KALRN: variants seen among roughly 807,000 people sequenced by gnomAD.
KALRN encodes kalirin.
A neutral mutation model predicts 353.7 loss-of-function variants in KALRN; 70 were observed. The observed-to-expected ratio is 0.20, with a 90% CI of 0.16 to 0.24. The LOEUF (loss-of-function observed/expected upper bound fraction) is 0.24, where lower values mean the gene tolerates loss of function less well. Among genes scored for constraint, KALRN ranks in the 10% least tolerant of loss-of-function variants. The probability of loss-of-function intolerance (pLI) is 1.00; values close to 1 mark genes in which losing one functional copy is unlikely to be tolerated. For missense variants in KALRN, 2,791 were observed against 3,756.7 expected (o/e 0.74, Z 6.72); for synonymous variants, 1,391 against 1,434.8 (o/e 0.97, Z 0.69).
At chr3:124,357,195 C>A (rs942785501) in intron 10 of KALRN, among the ~76,000 whole-genome samples, 1 of 152,322 alleles carries the variant, frequency 6.6e-6, no homozygotes, top group African/African-American at 2.4e-5. Context: ...CTGCCTCTTT[C>A]GTGTGTTTCT....
At chr3:124,071,851 G>A (rs1159016877) in intron 1 of KALRN, among the ~76,000 whole-genome samples, 4 of 152,194 alleles carry the variant, frequency 2.6e-5, no homozygotes, top group Admixed American at 2.0e-4. Flanking sequence ...ATTAAACCCA[G>A]AGAAAGAGAG....
intron 33 of KALRN, among the ~76,000 whole-genome samples, chr3:124,503,375 G>A (rs926882387): frequency 1.3e-5 from 2 of 151,620 alleles, no homozygotes; most frequent in Non-Finnish European, 2.9e-5. Context: ...GAAACACTCT[G>A]ATTTTTCTCA....
chr3:124,659,998 C>T (rs1486283177), intron 43 of KALRN, among the ~76,000 whole-genome samples: 1 of 151,862 alleles, frequency 6.6e-6, no homozygotes, highest in Non-Finnish European at 1.5e-5. Flanking sequence ...GTGACACAGT[C>T]ATAGCTCACT....
chr3:124,038,670 T>A (rs1031808692), intron 1 of KALRN, among the ~76,000 whole-genome samples: 13 of 152,226 alleles, frequency 8.5e-5, no homozygotes. Flanking sequence ...TCTGTCCTTC[T>A]GTTGAGCATT....
intron 11 of KALRN, among the ~76,000 whole-genome samples, chr3:124,393,201 G>A (rs560140162): frequency 6.6e-6 from 1 of 152,210 alleles, no homozygotes; most frequent in East Asian, 1.9e-4. Context: ...CCTGACCTCA[G>A]GTGATCTGCC....
intron 34 of KALRN, among the ~76,000 whole-genome samples, chr3:124,571,028 C>G (rs1379828917): frequency 6.6e-6 from 1 of 152,160 alleles, no homozygotes; most frequent in Non-Finnish European, 1.5e-5. Context: ...TCATATATTG[C>G]ACTGAAATCC....
chr3:124,165,668 C>A (rs527871504), intron 1 of KALRN, among the ~76,000 whole-genome samples: 1 of 152,240 alleles, frequency 6.6e-6, no homozygotes, highest in Non-Finnish European at 1.5e-5. Flanking sequence ...TCTTTATTAG[C>A]ATAGCTCCTG....
chr3:124,276,092 G>A (rs539843556), intron 5 of KALRN, among the ~76,000 whole-genome samples: 3 of 152,312 alleles, frequency 2.0e-5, no homozygotes, highest in African/African-American at 4.8e-5. Context: ...GAGCATATTT[G>A]TCTTATTCCC....
At chr3:124,389,159 C>G (rs1483155640) in intron 11 of KALRN, among the ~76,000 whole-genome samples, 1 of 152,150 alleles carries the variant, frequency 6.6e-6, no homozygotes, top group Admixed American at 6.6e-5. Context: ...TCCTCCATTT[C>G]TTCCTTCCTA....
chr3:124,185,955 G>T (rs2074172086), intron 1 of KALRN, among the ~76,000 whole-genome samples: 1 of 152,320 alleles, frequency 6.6e-6, no homozygotes, highest in East Asian at 1.9e-4. Flanking sequence ...AAGACCTGTG[G>T]TATCTGCCCC....
intron 25 of KALRN, among the ~76,000 whole-genome samples, chr3:124,465,606 C>T (rs1030970080): frequency 6.6e-6 from 1 of 152,160 alleles, no homozygotes; most frequent in African/African-American, 2.4e-5. Flanking sequence ...CTGGACCATG[C>T]AGTTGTCCTA....
intron 1 of KALRN, among the ~76,000 whole-genome samples, chr3:124,206,158 G>T (rs2076391687): frequency 6.6e-6 from 1 of 152,164 alleles, no homozygotes; most frequent in South Asian, 2.1e-4. Context: ...CGTAATAGAA[G>T]ATTATTTCTT....
At chr3:124,436,124 A>G (rs1035605680) in intron 17 of KALRN, among the ~76,000 whole-genome samples, 5 of 152,230 alleles carry the variant, frequency 3.3e-5, no homozygotes, top group African/African-American at 1.2e-4. Context: ...TTTTCAGCAA[A>G]GGATGCTGGA....
chr3:124,483,745 C>T (rs2062240301), intron 28 of KALRN, among the ~76,000 whole-genome samples: 1 of 152,080 alleles, frequency 6.6e-6, no homozygotes, highest in African/African-American at 2.4e-5. Flanking sequence ...TGTAGGTTCT[C>T]GCATGTTAGG....
chr3:124,705,877 TTCTC>T (rs139555597), intron 57 of KALRN, among the ~76,000 whole-genome samples: 1,773 of 145,140 alleles, frequency 0.012, 37 homozygotes, highest in African/African-American at 0.043. Context: ...TCCTCCCTCT[TTCTC>T]TCTCTCTCTT....
intron 33 of KALRN, among the ~76,000 whole-genome samples, chr3:124,545,981 G>A (rs957667168): frequency 7.2e-5 from 11 of 152,128 alleles, no homozygotes; most frequent in African/African-American, 2.2e-4. Flanking sequence ...TCCGTAAGTC[G>A]TCTCCCTTTT....
intron 1 of KALRN, among the ~76,000 whole-genome samples, chr3:124,134,455 A>G (rs377278146): frequency 6.6e-6 from 1 of 152,336 alleles, no homozygotes; most frequent in Non-Finnish European, 1.5e-5. Context: ...CCTTCTAGAC[A>G]TTGGCTTAGG....
At chr3:124,349,179 A>G (rs866411482) in intron 10 of KALRN, among the ~76,000 whole-genome samples, 7 of 152,228 alleles carry the variant, frequency 4.6e-5, no homozygotes, top group Admixed American at 2.6e-4. Flanking sequence ...ACGCTACAAC[A>G]TGGAGGAACC....
At chr3:124,262,629 T>G (rs2073033321) in intron 3 of KALRN, among the ~76,000 whole-genome samples, 1 of 152,346 alleles carries the variant, frequency 6.6e-6, no homozygotes, top group South Asian at 2.1e-4. Flanking sequence ...GACTTTTCTA[T>G]GTACCAGGGA....
Sources: gnomAD v4.1 joint callset for allele counts (sites outside exome capture counted in the v4.1 genomes callset) on GRCh38, gnomAD v4.1.1 for gene constraint, MANE v1.5 for transcripts, NCBI Gene and HGNC (gene_info 2026-07-23, HGNC 2026-07-21) for gene names.